Variants in PRKCD observed in about 807,000 individuals in gnomAD.
The protein encoded by PRKCD is protein kinase C delta.
A neutral mutation model predicts 82.2 loss-of-function variants in PRKCD; 20 were observed. That is an observed-to-expected ratio of 0.24 (90% confidence interval 0.17 to 0.35). PRKCD has a LOEUF of 0.35. PRKCD is among the 10% of genes least tolerant of loss of function. The pLI, the probability that PRKCD is intolerant of heterozygous loss-of-function variation, is 1.00. For synonymous variants in PRKCD, 317 were observed against 337.0 expected, an observed-to-expected ratio of 0.94 and a Z score of 0.65; for missense variants, 607 against 899.0, an observed-to-expected ratio of 0.68 and a Z score of 4.15.
At chr3:53,182,046 A>T in intron 7 of PRKCD, 1 of 520,856 alleles carries the variant, frequency 1.9e-6, no homozygotes, top group Non-Finnish European at 3.7e-6. Flanking sequence ...CGGAGAGGCA[A>T]TGATAGGTCC....
chr3:53,192,305 A>T lies in PRKCD; in HGVS notation c.*39A>T. Reference sequence around the variant, plus strand: ...ATCAGGCTAGCCCTGCCCTCCACCCACACCTGCCCGCTCCCCACGATAAGC... The same window carrying T: ...ATCAGGCTAGCCCTGCCCTCCACCCTCACCTGCCCGCTCCCCACGATAAGC... On this transcript the variant is annotated 3_prime_UTR_variant, in exon 19 of 19. Transcript: ENST00000330452. 1 of 1,603,392 alleles carries T rather than the reference A, an allele frequency of 6.2e-7. No homozygotes were observed. Among genetic ancestry groups the T allele is most frequent in the South Asian group, 1.1e-5 (1 of 90,876 alleles).
chr3:53,188,616 G>A, intron 15 of PRKCD, 104 bp from the exon 16 acceptor site: 3 of 1,435,780 alleles, frequency 2.1e-6, no homozygotes, highest in Non-Finnish European at 2.9e-6. Flanking sequence ...TTGTACCCTT[G>A]GGGACAGTCC....
At chr3:53,172,686 C>T (rs144928877) in intron 2 of PRKCD, among the ~76,000 whole-genome samples, 34 of 152,310 alleles carry the variant, frequency 2.2e-4, no homozygotes, top group African/African-American at 6.5e-4. Context: ...GGAACCAGAC[C>T]GCCCTATACC....
intron 2 of PRKCD, among the ~76,000 whole-genome samples, chr3:53,167,072 G>T (rs1702859125): frequency 6.6e-6 from 1 of 152,242 alleles, no homozygotes; most frequent in Non-Finnish European, 1.5e-5. Context: ...GGTTGGCAGG[G>T]GCTGTCTGTT....
In PRKCD at chr3:53,179,634, C is replaced by G. The variant is rs1553666790; in HGVS notation, c.173C>G (p.Thr58Arg). Residue 58 changes from threonine (T) to arginine (R), a missense_variant, in exon 4 of 19, where the codon ACG (threonine) becomes AGG (arginine). Coordinates refer to ENST00000330452, the MANE Select transcript of PRKCD (RefSeq NM_006254.4). Reference protein sequence around the residue: ...KPTMYPEWKSTFDAHIYEGRV... With the variant: ...KPTMYPEWKSRFDAHIYEGRV... ...ACCATGTATCCTGAGTGGAAGTCGACGTTCGATGCCCACATCTATGAGGGG... is the reference window on the plus strand; with the variant it reads ...ACCATGTATCCTGAGTGGAAGTCGAGGTTCGATGCCCACATCTATGAGGGG... 6.2e-7 allele frequency: 1 copy of G among 1,614,130 alleles called. No homozygotes were observed. Among genetic ancestry groups the G allele is most frequent in the African/African-American group, 1.3e-5 (1 of 75,036 alleles).
Position 53,179,799 on chromosome 3 carries a change from C to CGT in PRKCD, c.315+42_315+43dup, listed in dbSNP as rs3830263. ...TGGGTAAGGGGCGCACGAGCCGTGC[C>CGT]GTGTGTGTGTGTGTGTGTGTCTGTG... On this transcript the variant is annotated intron_variant, in intron 4 of 18. Coordinates refer to ENST00000330452, the MANE Select transcript of PRKCD (RefSeq NM_006254.4). 48,012 of 1,054,532 alleles carry CGT rather than the reference C, an allele frequency of 0.046. 50 individuals carry two copies. Among genetic ancestry groups the CGT allele is most frequent in the East Asian group, 0.089 (1,672 of 18,844 alleles). 65.3% of individuals were successfully genotyped at this position (1,054,532 alleles called of 1,614,324 possible). A position where few individuals can be genotyped will look rare whatever the true frequency, so the allele number is the denominator to read the frequency against.
At chr3:53,188,654 A>G in intron 15 of PRKCD, 66 bp from the exon 16 acceptor site, 2 of 1,595,116 alleles carry the variant, frequency 1.3e-6, no homozygotes, top group Non-Finnish European at 1.7e-6. Context: ...AAATTAGGAC[A>G]TGGGGGGCAG....
At chr3:53,192,059 A>T (rs1703942044) in intron 18 of PRKCD, 49 bp from the exon 19 acceptor site, 1 of 1,600,170 alleles carries the variant, frequency 6.2e-7, no homozygotes, top group Non-Finnish European at 8.6e-7. Flanking sequence ...GGGTGTCTGG[A>T]GGGCCATTCC....
Position 53,189,258 on chromosome 3 carries a change from G to A in PRKCD, c.1743+12G>A. On this transcript the variant is annotated intron_variant, in intron 17 of 18. Transcript: ENST00000330452. ...ACATCCTGGAGAAGGTGGAGGCCCT[G>A]GGCTGGGCTGGGCTGGTCTGGGCTG... is the stretch of plus-strand genomic sequence containing the variant. 6.6e-7 allele frequency: 1 copy of A among 1,513,608 alleles called. No homozygotes were observed. Among genetic ancestry groups the A allele is most frequent in the Non-Finnish European group, 8.9e-7 (1 of 1,121,474 alleles). The allele number at this position is 1,513,608 out of a possible 1,614,324, so 93.8% of individuals were successfully genotyped here. A position where few individuals can be genotyped will look rare whatever the true frequency, so the allele number is the denominator to read the frequency against.
In PRKCD at chr3:53,185,971, T is replaced by G. The variant is rs1553668939; in HGVS notation, c.1030T>G (p.Cys344Gly). Reference sequence around the variant, plus strand: ...CAAGATCTGGGAGGGCAGCAGCAAGTGCAACATCAACAACTTCATCTTCCA... The same window carrying G: ...CAAGATCTGGGAGGGCAGCAGCAAGGGCAACATCAACAACTTCATCTTCCA... ...YGKIWEGSSKCNINNFIFHKV... is the reference protein window; with the variant it reads ...YGKIWEGSSKGNINNFIFHKV... Residue 344 changes from cysteine to glycine, a missense_variant, in exon 12 of 19, where the codon TGC (cysteine) becomes GGC (glycine). By Grantham distance (159) the Cys-to-Gly change is radical. Transcript: ENST00000330452. 1.2e-6 allele frequency: 2 copies of G among 1,614,166 alleles called. No individual in the cohort carries two copies.
chr3:53,180,440 T>C (rs1317701247), intron 4 of PRKCD, among the ~76,000 whole-genome samples: 1 of 152,224 alleles, frequency 6.6e-6, no homozygotes, highest in Non-Finnish European at 1.5e-5. Context: ...CTTGGCCATG[T>C]GCAGCTGTGT....
intron 17 of PRKCD, 25 bp downstream of exon 17, chr3:53,189,271 C>T: frequency 3.5e-6 from 2 of 574,814 alleles, no homozygotes; most frequent in Non-Finnish European, 5.0e-6. Context: ...CTGGGCTGGG[C>T]TGGTCTGGGC....
chr3:53,190,188 G>A (rs1703876010), intron 18 of PRKCD, among the ~76,000 whole-genome samples, 187 bp downstream of exon 18: 1 of 152,204 alleles, frequency 6.6e-6, no homozygotes. Context: ...AGCACACACT[G>A]GGGACTGTGG....
chr3:53,187,241 C>T, intron 14 of PRKCD, 99 bp from the exon 15 acceptor site: 2 of 1,307,966 alleles, frequency 1.5e-6, no homozygotes, highest in South Asian at 1.2e-5. Flanking sequence ...GAGTTATTTG[C>T]AGCATTTCTT....
chr3:53,188,659 G>C, intron 15 of PRKCD, 61 bp from the exon 16 acceptor site: 1 of 1,598,056 alleles, frequency 6.3e-7, no homozygotes, highest in South Asian at 1.1e-5. Context: ...AGGACATGGG[G>C]GGCAGGGTTG....
intron 7 of PRKCD, 156 bp downstream of exon 7, chr3:53,181,888 G>A (rs369649554): frequency 8.7e-7 from 1 of 1,145,566 alleles, no homozygotes; most frequent in Non-Finnish European, 1.3e-6. Flanking sequence ...TGAGTGCTGG[G>A]GCTGGCTTGC....
chr3:53,167,085 C>T (rs1297345209), intron 2 of PRKCD, among the ~76,000 whole-genome samples: 1 of 152,224 alleles, frequency 6.6e-6, no homozygotes, highest in Non-Finnish European at 1.5e-5. Context: ...TGTCTGTTCA[C>T]TTCCCAAAGC....
In PRKCD at chr3:53,192,277, C is replaced by G. The variant is rs1703953627; in HGVS notation, c.*11C>G. On this transcript the variant is annotated 3_prime_UTR_variant, in exon 19 of 19. Transcript: ENST00000330452. ...CTCCTGGAAGATTGAGGTTCCTGGACAGATCAGGCTAGCCCTGCCCTCCAC... is the reference window on the plus strand; with the variant it reads ...CTCCTGGAAGATTGAGGTTCCTGGAGAGATCAGGCTAGCCCTGCCCTCCAC... The G allele has an allele frequency of 6.2e-7, 1 of 1,613,892 alleles. No individual in the cohort carries two copies.
In PRKCD at chr3:53,189,275, T is replaced by G. The variant is rs7630600; in HGVS notation, c.1743+29T>G. 1,049,794 of 1,289,188 alleles carry G rather than the reference T, an allele frequency of 0.81. 408,040 individuals are homozygous for G. The highest frequency in any genetic ancestry group is 0.86 in the East Asian group (35,261 of 40,958). The allele number at this position is 1,289,188 out of a possible 1,614,324, so 79.9% of individuals were successfully genotyped here. ...GAGGCCCTGGGCTGGGCTGGGCTGG[T>G]CTGGGCTGGGCTGGGGCAGGGGCTG... On this transcript the variant is annotated intron_variant, in intron 17 of 18. Transcript: ENST00000330452.
Sources: gnomAD v4.1 joint callset for allele counts (sites outside exome capture counted in the v4.1 genomes callset) on GRCh38, gnomAD v4.1.1 for gene constraint, MANE v1.5 for transcripts, NCBI Gene and HGNC (gene_info 2026-07-23, HGNC 2026-07-21) for gene names.